The following RXRA variants were observed in gnomAD, a reference collection of about 807,000 sequenced individuals.
The protein encoded by RXRA is retinoic acid receptor RXR-alpha.
Under a neutral mutation model 44.5 loss-of-function variants are expected in RXRA, and 5 were observed. The observed-to-expected ratio is 0.11, with a 90% CI of 0.06 to 0.24. RXRA has a LOEUF of 0.24. RXRA is among the 10% of genes least tolerant of loss of function. The probability of loss-of-function intolerance (pLI) is 1.00; values close to 1 mark genes in which losing one functional copy is unlikely to be tolerated. For missense variants in RXRA, 412 were observed against 646.5 expected (o/e 0.64, Z 3.93); for synonymous variants, 291 against 271.4 (o/e 1.07, Z -0.71).
chr9:134,410,503 A>G (rs758461741), intron 4 of RXRA, among the ~76,000 whole-genome samples: 36 of 152,332 alleles, frequency 2.4e-4, no homozygotes, highest in Non-Finnish European at 4.0e-4. Flanking sequence ...GTGTGTACCC[A>G]GCCTGGAGAG....
At chr9:134,335,825 C>T (rs960312739) in intron 1 of RXRA, among the ~76,000 whole-genome samples, 4 of 152,134 alleles carry the variant, frequency 2.6e-5, no homozygotes, top group Non-Finnish European at 5.9e-5. Flanking sequence ...GGGGCCCTTC[C>T]CTACCACCTA....
chr9:134,338,656 C>T (rs1276091717), intron 1 of RXRA, among the ~76,000 whole-genome samples: 1 of 152,218 alleles, frequency 6.6e-6, no homozygotes, highest in Non-Finnish European at 1.5e-5. Context: ...CTGCCGGATC[C>T]CACGCAGCCT....
In RXRA at chr9:134,417,591, C is replaced by T. The variant is rs998267431; in HGVS notation, c.780+264C>T. Among the ~76,000 whole-genome samples, 4 of 152,126 alleles carry T rather than the reference C, an allele frequency of 2.6e-5. No homozygotes were observed. The highest frequency in any genetic ancestry group is 6.5e-5 in the Admixed American group (1 of 15,302). ...CAGGGGCCCGGGGCCTGGGGCCCTG[C>T]GGCCACATCATCATCCTCGGCCACC... On this transcript the variant is annotated intron_variant, in intron 5 of 9. Coordinates refer to ENST00000481739, the MANE Select transcript of RXRA (RefSeq NM_002957.6). This position sits in a 1 kb window ranked among gnomAD's most constrained non-coding sequence, Gnocchi z 6.1.
At chr9:134,330,754 G>A (rs543964121) in intron 1 of RXRA, among the ~76,000 whole-genome samples, 3 of 152,250 alleles carry the variant, frequency 2.0e-5, no homozygotes, top group East Asian at 3.8e-4. Flanking sequence ...GCCACCTGGG[G>A]TTGGGCCTTC....
intron 1 of RXRA, among the ~76,000 whole-genome samples, chr9:134,360,314 G>A (rs1406255255): frequency 1.3e-5 from 2 of 152,314 alleles, no homozygotes; most frequent in Middle Eastern, 3.4e-3. Context: ...AGGGCAGAGC[G>A]AGCAGGAAGC....
At chr9:134,364,169 GACACTTCCC>G (rs912440417) in intron 1 of RXRA, among the ~76,000 whole-genome samples, 9 of 152,312 alleles carry the variant, frequency 5.9e-5, no homozygotes, top group African/African-American at 2.2e-4. Context: ...GCCGCCTGAA[GACACTTCCC>G]ACTCAGTGGG....
rs1830097751 is a variant in RXRA at position 134,342,496 on chromosome 9, TG to T, written c.28+15838del. 6.6e-6 allele frequency among the ~76,000 whole-genome samples: 1 copy of T among 152,194 alleles called. No individual in the cohort carries two copies. On this transcript the variant is annotated intron_variant, in intron 1 of 9. Coordinates refer to ENST00000481739, the MANE Select transcript of RXRA (RefSeq NM_002957.6). This position sits in a 1 kb window ranked among gnomAD's most constrained non-coding sequence, Gnocchi z 4.4. ...CCCAGGTGGTCAGGCCCCAGAGGCTTGCACTTGGGATGGCGTGCTGTGCGCC... is the reference window on the plus strand; with the variant it reads ...CCCAGGTGGTCAGGCCCCAGAGGCTTCACTTGGGATGGCGTGCTGTGCGCC...
At chr9:134,336,293 G>A (rs1453447238) in intron 1 of RXRA, among the ~76,000 whole-genome samples, 4 of 152,186 alleles carry the variant, frequency 2.6e-5, no homozygotes, top group African/African-American at 9.7e-5. Flanking sequence ...TCTGTCCTGT[G>A]TGACCCACCT....
intron 8 of RXRA, among the ~76,000 whole-genome samples, chr9:134,432,706 C>T (rs374070382): frequency 2.0e-5 from 3 of 152,358 alleles, no homozygotes; most frequent in Admixed American, 6.5e-5. Flanking sequence ...GAGGGTCACG[C>T]CCACCAGCAG....
chr9:134,387,445 G>T (rs1830736522), intron 1 of RXRA, among the ~76,000 whole-genome samples: 1 of 152,240 alleles, frequency 6.6e-6, no homozygotes, highest in African/African-American at 2.4e-5. Context: ...TGGCCAGGGT[G>T]CAAGCCTGGA....
chr9:134,387,689 G>A lies in RXRA; in HGVS notation c.29-13943G>A, dbSNP rs568092138. ...ACAGAGCCGTCCATGAGCGTTCCCC[G>A]CATTTTGTGCTGTCAGTAAGCAGCA... On this transcript the variant is annotated intron_variant, in intron 1 of 9. Coordinates refer to ENST00000481739, the MANE Select transcript of RXRA (RefSeq NM_002957.6). 9.2e-5 allele frequency among the ~76,000 whole-genome samples: 14 copies of A among 152,328 alleles called. No homozygotes were observed. The East Asian group carries it at 1.9e-3, about 21-fold the overall frequency.
intron 4 of RXRA, among the ~76,000 whole-genome samples, chr9:134,414,776 G>A (rs910766224): frequency 1.3e-5 from 2 of 152,200 alleles, no homozygotes; most frequent in African/African-American, 2.4e-5. Flanking sequence ...TGGAGGTGCC[G>A]TACCCCTCAG....
chr9:134,350,817 G>A (rs1830212383), intron 1 of RXRA, among the ~76,000 whole-genome samples: 2 of 152,262 alleles, frequency 1.3e-5, no homozygotes, highest in Admixed American at 1.3e-4. Flanking sequence ...AGATGCATTC[G>A]AGGGGCTGAG....
intron 6 of RXRA, chr9:134,422,026 C>T: frequency 6.9e-7 from 1 of 1,444,984 alleles, no homozygotes; most frequent in Non-Finnish European, 9.2e-7. Flanking sequence ...ACTCCCCCCT[C>T]CCTGGATGCT....
chr9:134,369,287 TG>T (rs200369300), intron 1 of RXRA, among the ~76,000 whole-genome samples: 5,098 of 49,106 alleles, frequency 0.1, 402 homozygotes, highest in Middle Eastern at 0.18. Context: ...TGTGTGTGTG[TG>T]GGGGTTATGT....
At position 134,431,897 on chromosome 9, in the gene RXRA, C is replaced by T. The variant is rs982320545; in HGVS notation, c.1044-8C>T. On this transcript the variant is annotated splice_region_variant and splice_polypyrimidine_tract_variant and intron_variant, in intron 7 of 9. Transcript: ENST00000481739. Reference sequence around the variant, plus strand: ...CTGGGATGGGGTGTCTGCCCTCCTCCTCTGCAGGGTGCTGACGGAGCTTGT... The same window carrying T: ...CTGGGATGGGGTGTCTGCCCTCCTCTTCTGCAGGGTGCTGACGGAGCTTGT... The T allele has an allele frequency of 1.2e-6, 2 of 1,610,980 alleles. No homozygotes were observed. The highest frequency in any genetic ancestry group is 2.7e-5 in the African/African-American group (2 of 75,014).
chr9:134,407,036 C>T lies in RXRA; in HGVS notation c.280-1113C>T, dbSNP rs369581816. 5.3e-5 allele frequency among the ~76,000 whole-genome samples: 8 copies of T among 152,320 alleles called. No individual in the cohort carries two copies. The South Asian group carries it at 1.0e-3, about 20-fold the overall frequency. ...TGTCACGGGGGACCTCCTGGCCTCTCGCAGCCCACCTGAGTCCTGCAGGGA... is the reference window on the plus strand; with the variant it reads ...TGTCACGGGGGACCTCCTGGCCTCTTGCAGCCCACCTGAGTCCTGCAGGGA... On this transcript the variant is annotated intron_variant, in intron 2 of 9. Transcript: ENST00000481739. This position sits in a 1 kb window ranked among gnomAD's most constrained non-coding sequence, Gnocchi z 4.8.
chr9:134,396,273 C>T (rs1376045991), intron 1 of RXRA, among the ~76,000 whole-genome samples: 1 of 152,168 alleles, frequency 6.6e-6, no homozygotes, highest in Non-Finnish European at 1.5e-5. Context: ...GCCCCTCACC[C>T]TCTGGGGCTT....
chr9:134,407,131 C>T lies in RXRA; in HGVS notation c.280-1018C>T, dbSNP rs10125024. Among the ~76,000 whole-genome samples the T allele has an allele frequency of 0.014, 2,137 of 152,330 alleles. 60 individuals carry two copies. Among genetic ancestry groups the T allele is most frequent in the African/African-American group, 0.048 (1,992 of 41,576 alleles). ...GGAAGAACCTAGAAGCCAGAACAAG[C>T]TGGGGCTGGAAGACTCATTCCAGGC... On this transcript the variant is annotated intron_variant, in intron 2 of 9. Coordinates refer to ENST00000481739, the MANE Select transcript of RXRA (RefSeq NM_002957.6). The surrounding 1 kb of genome is among the most constrained non-coding windows in gnomAD (Gnocchi z 4.8).
Sources: gnomAD v4.1 joint callset for allele counts (sites outside exome capture counted in the v4.1 genomes callset) on GRCh38, gnomAD v4.1.1 for gene constraint, Gnocchi (gnomAD v3.1) non-coding constraint, MANE v1.5 for transcripts, NCBI Gene and HGNC (gene_info 2026-07-23, HGNC 2026-07-21) for gene names.